The following GPR15LG variants were observed in gnomAD, a reference collection of about 807,000 sequenced individuals.
GPR15LG encodes protein GPR15LG.
At chr10:84,174,977 A>G in the GPR15LG span, among the ~76,000 whole-genome samples, 4 of 152,030 alleles carry the variant, frequency 2.6e-5, no homozygotes, top group East Asian at 1.9e-4. Flanking sequence ...AAGAGTAGCC[A>G]TGTTCAACAT....
At chr10:84,174,494 C>CTTTTTTT in the GPR15LG span, among the ~76,000 whole-genome samples, 131 of 98,654 alleles carry the variant, frequency 1.3e-3, no homozygotes, top group African/African-American at 1.6e-3. Context: ...TTTCTTTTTT[C>CTTTTTTT]TTTTTTTTTT....
the GPR15LG span, chr10:84,176,526 C>T: frequency 6.2e-7 from 1 of 1,614,124 alleles, no homozygotes; most frequent in Non-Finnish European, 8.5e-7. Flanking sequence ...GAACCAGGCT[C>T]TGCTGCCACC....
chr10:84,179,950 G>A, the GPR15LG span, among the ~76,000 whole-genome samples: 1 of 151,076 alleles, frequency 6.6e-6, no homozygotes, highest in Non-Finnish European at 1.5e-5. Flanking sequence ...CAGGGTCATA[G>A]GACAATAGTG....
At chr10:84,180,546 G>A in the GPR15LG span, among the ~76,000 whole-genome samples, 4 of 145,552 alleles carry the variant, frequency 2.7e-5, no homozygotes, top group Non-Finnish European at 4.6e-5. Context: ...GGGCAGAGAC[G>A]CTCCTCACTT....
chr10:84,183,860 G>A, the GPR15LG span, among the ~76,000 whole-genome samples: 9 of 152,006 alleles, frequency 5.9e-5, no homozygotes, highest in Admixed American at 2.6e-4. Context: ...TGCGCAGGCT[G>A]TTCTTGAACC....
the GPR15LG span, chr10:84,173,903 T>C: frequency 6.8e-6 from 11 of 1,613,324 alleles, no homozygotes; most frequent in Non-Finnish European, 8.5e-6. Flanking sequence ...TCTCTGCTTC[T>C]CCATCTTCTC....
At chr10:84,179,782 C>T in the GPR15LG span, among the ~76,000 whole-genome samples, 3 of 151,786 alleles carry the variant, frequency 2.0e-5, no homozygotes, top group Non-Finnish European at 4.4e-5. Flanking sequence ...AGGCCCAGGA[C>T]TCTGGGTCAA....
the GPR15LG span, among the ~76,000 whole-genome samples, chr10:84,179,445 A>G: frequency 2.0e-5 from 3 of 152,136 alleles, no homozygotes; most frequent in Admixed American, 6.5e-5. Flanking sequence ...CTTCTGTCTT[A>G]TGGACTGATG....
chr10:84,175,189 T>C, the GPR15LG span, among the ~76,000 whole-genome samples: 3 of 152,204 alleles, frequency 2.0e-5, no homozygotes, highest in Non-Finnish European at 2.9e-5. Flanking sequence ...AGTGTTTGTT[T>C]TACAAAGTTT....
At chr10:84,176,131 G>T in the GPR15LG span, among the ~76,000 whole-genome samples, 1 of 150,620 alleles carries the variant, frequency 6.6e-6, no homozygotes, top group African/African-American at 2.4e-5. Context: ...CAAGTGATCC[G>T]CCCACCTCAG....
chr10:84,173,998 G>A, the GPR15LG span: 5 of 1,189,736 alleles, frequency 4.2e-6, no homozygotes, highest in Middle Eastern at 4.8e-4. Context: ...ATTTGTTGGA[G>A]GGCAGGCCTT....
the GPR15LG span, among the ~76,000 whole-genome samples, chr10:84,178,977 C>T: frequency 2.0e-5 from 3 of 152,176 alleles, no homozygotes; most frequent in African/African-American, 4.8e-5. Flanking sequence ...GAAACTGAGG[C>T]AGAGTCAGAA....
At chr10:84,174,742 G>A in the GPR15LG span, among the ~76,000 whole-genome samples, 4 of 151,878 alleles carry the variant, frequency 2.6e-5, no homozygotes, top group South Asian at 2.1e-4. Context: ...CTCCCACCTC[G>A]GCCTCCCAAA....
chr10:84,176,151 G>C, the GPR15LG span, among the ~76,000 whole-genome samples: 2 of 152,090 alleles, frequency 1.3e-5, no homozygotes, highest in Non-Finnish European at 2.9e-5. Flanking sequence ...GCCTCCCAAA[G>C]AGCTAGGATT....
chr10:84,182,936 G>A, the GPR15LG span, among the ~76,000 whole-genome samples: 1 of 151,864 alleles, frequency 6.6e-6, no homozygotes, highest in Non-Finnish European at 1.5e-5. Flanking sequence ...AAATGCTCAT[G>A]AAATGGTAAG....
the GPR15LG span, among the ~76,000 whole-genome samples, chr10:84,175,708 G>GTT: frequency 6.6e-6 from 1 of 152,122 alleles, no homozygotes; most frequent in African/African-American, 2.4e-5. Flanking sequence ...GTCTCTCTAA[G>GTT]TTGCCCAGGC....
the GPR15LG span, chr10:84,176,716 C>A: frequency 1.6e-6 from 1 of 607,574 alleles, no homozygotes; most frequent in Non-Finnish European, 3.0e-6. Context: ...AATTTGTTGA[C>A]TCCCCCCCAA....
At chr10:84,176,771 G>GA in the GPR15LG span, among the ~76,000 whole-genome samples, 1 of 152,090 alleles carries the variant, frequency 6.6e-6, no homozygotes, top group Non-Finnish European at 1.5e-5. Context: ...TTCTGCCATG[G>GA]AAAAAAAGCA....
At chr10:84,184,268 GT>G in the GPR15LG span, among the ~76,000 whole-genome samples, 1 of 152,208 alleles carries the variant, frequency 6.6e-6, no homozygotes, top group Admixed American at 6.5e-5. Flanking sequence ...TGCAAATGTA[GT>G]TTTGGGACAC....
Sources: allele counts gnomAD v4.1 joint callset (sites outside exome capture counted in the v4.1 genomes callset), GRCh38; gene constraint gnomAD v4.1.1; transcripts MANE v1.5; gene names NCBI Gene and HGNC (gene_info 2026-07-23, HGNC 2026-07-21).